The following TRIM2 variants were observed in gnomAD, a reference collection of about 807,000 sequenced individuals.
TRIM2 encodes the protein tripartite motif containing 2.
In TRIM2, 20 loss-of-function variants were observed where a neutral mutation model predicts 75.2. The observed-to-expected ratio is 0.27, with a 90% CI of 0.19 to 0.39. The LOEUF is 0.39. Ranked by LOEUF, TRIM2 falls within the 10% of genes least tolerant of loss-of-function variation. The pLI is 1.00. For missense variants in TRIM2, 660 were observed against 990.8 expected (o/e 0.67, Z 4.48); for synonymous variants, 373 against 388.3 (o/e 0.96, Z 0.46).
chr4:153,221,830 A>G (rs1475415983), intron 1 of TRIM2, among the ~76,000 whole-genome samples: 16 of 102,582 alleles, frequency 1.6e-4, no homozygotes, highest in South Asian at 4.6e-4. Context: ...GAGGAAATGA[A>G]GGAAGGAAGG....
intron 9 of TRIM2, 48 bp downstream of exon 9, chr4:153,322,864 C>A: frequency 1.2e-6 from 2 of 1,606,112 alleles, no homozygotes; most frequent in Non-Finnish European, 1.7e-6. Flanking sequence ...GCTTCTTCTG[C>A]TCACATTTGC....
At chr4:153,234,520 C>T (rs1175736536) in intron 1 of TRIM2, among the ~76,000 whole-genome samples, 1 of 152,216 alleles carries the variant, frequency 6.6e-6, no homozygotes, top group African/African-American at 2.4e-5. Context: ...AAATACATTT[C>T]TGCTGCGGAT....
At chr4:153,317,568 G>A in intron 8 of TRIM2, among the ~76,000 whole-genome samples, 1 of 151,534 alleles carries the variant, frequency 6.6e-6, no homozygotes, top group Non-Finnish European at 1.5e-5. Flanking sequence ...AGAATGGTGT[G>A]AACCCCGGGA....
chr4:153,257,960 T>C (rs139181926), intron 1 of TRIM2, among the ~76,000 whole-genome samples: 23 of 152,302 alleles, frequency 1.5e-4, no homozygotes, highest in Non-Finnish European at 2.4e-4. Flanking sequence ...CATGCAAGAT[T>C]TTCTTATCAA....
At chr4:153,247,695 A>C (rs922389942) in intron 1 of TRIM2, among the ~76,000 whole-genome samples, 20 of 151,320 alleles carry the variant, frequency 1.3e-4, no homozygotes, top group African/African-American at 4.9e-4. Context: ...AAAAAAAAAA[A>C]AAAAAACTGT....
At chr4:153,314,677 A>G (rs559833430) in intron 6 of TRIM2, among the ~76,000 whole-genome samples, 74 of 152,108 alleles carry the variant, frequency 4.9e-4, no homozygotes, top group African/African-American at 1.6e-3. Context: ...CTAATCTACA[A>G]AGCACCCTGC....
rs999451573 is a variant in TRIM2 at position 153,234,955 on chromosome 4, G to A, written c.30+30395G>A. Reference sequence around the variant, plus strand: ...CTTCCCCGTGCCCTGTCCCACCCTCGAGCACACAGACCCCTCTGCTGCCCC... The same window carrying A: ...CTTCCCCGTGCCCTGTCCCACCCTCAAGCACACAGACCCCTCTGCTGCCCC... On this transcript the variant is annotated intron_variant, in intron 1 of 11. Coordinates refer to ENST00000338700, the MANE Select transcript of TRIM2 (RefSeq NM_015271.5). Among the ~76,000 whole-genome samples the A allele has an allele frequency of 5.3e-5, 8 of 152,050 alleles. No homozygotes were observed. The East Asian group carries it at 9.6e-4, about 18-fold the overall frequency.
At position 153,337,352 on chromosome 4, in the gene TRIM2, T is replaced by G; in HGVS notation, c.*2386T>G. The G allele has an allele frequency of 3.0e-6, 3 of 985,858 alleles. No homozygotes were observed. The highest frequency in any genetic ancestry group is 3.6e-6 in the Non-Finnish European group (3 of 829,930). The allele number at this position is 985,858 out of a possible 1,614,324, so 61.1% of individuals were successfully genotyped here. ...TAACCAGCCATCATATCATATCCTATCAGGCTAGATATCTCAATAGTAGAC... is the reference window on the plus strand; with the variant it reads ...TAACCAGCCATCATATCATATCCTAGCAGGCTAGATATCTCAATAGTAGAC... On this transcript the variant is annotated 3_prime_UTR_variant, in exon 12 of 12. Transcript: ENST00000338700.
At chr4:153,274,526 TC>T (rs1448678105) in intron 2 of TRIM2, among the ~76,000 whole-genome samples, 2 of 152,208 alleles carry the variant, frequency 1.3e-5, no homozygotes, top group Admixed American at 1.3e-4. Flanking sequence ...TGTCAACAGG[TC>T]AGTTAATGAG....
At chr4:153,327,879 A>G (rs531525488) in intron 10 of TRIM2, among the ~76,000 whole-genome samples, 1 of 152,372 alleles carries the variant, frequency 6.6e-6, no homozygotes, top group East Asian at 1.9e-4. Flanking sequence ...CTACTTTTAT[A>G]TTCATCAAAG....
chr4:153,324,013 A>T (rs1769575207), intron 9 of TRIM2, 65 bp from the exon 10 acceptor site: 2 of 1,258,764 alleles, frequency 1.6e-6, no homozygotes, highest in Non-Finnish European at 2.3e-6. Flanking sequence ...TGTTTGTTAC[A>T]GTAACTGCTA....
At chr4:153,175,167 C>T (rs1420819853) in intron 1 of TRIM2, among the ~76,000 whole-genome samples, 1 of 152,130 alleles carries the variant, frequency 6.6e-6, no homozygotes, top group African/African-American at 2.4e-5. Context: ...CAGGCGTCTG[C>T]CACAATGCCC....
chr4:153,208,586 C>G (rs1422469755), intron 1 of TRIM2, among the ~76,000 whole-genome samples: 2 of 152,160 alleles, frequency 1.3e-5, no homozygotes. Flanking sequence ...GAGCTGAACT[C>G]GAGTCTCAGG....
At chr4:153,211,348 A>G (rs1471312730) in intron 1 of TRIM2, among the ~76,000 whole-genome samples, 4 of 152,184 alleles carry the variant, frequency 2.6e-5, no homozygotes, top group African/African-American at 9.6e-5. Flanking sequence ...CAGGCTTCCA[A>G]GGCTGGTTGT....
At chr4:153,322,583 T>C (rs571868144) in intron 8 of TRIM2, 65 bp from the exon 9 acceptor site, 2 of 1,537,152 alleles carry the variant, frequency 1.3e-6, no homozygotes, top group Admixed American at 3.7e-5. Context: ...TTTATCTTCA[T>C]GTTCTGTAGT....
chr4:153,314,717 A>G (rs1311677531), intron 6 of TRIM2, among the ~76,000 whole-genome samples: 2 of 152,166 alleles, frequency 1.3e-5, no homozygotes, highest in African/African-American at 2.4e-5. Context: ...TTCAGGAAGA[A>G]TATCCAGCCT....
At chr4:153,318,368 C>T (rs1579676216) in intron 8 of TRIM2, among the ~76,000 whole-genome samples, 1 of 152,180 alleles carries the variant, frequency 6.6e-6, no homozygotes. Flanking sequence ...GAGGCAGCAT[C>T]TTGTCAATTT....
rs960150399 is a variant in TRIM2, at chr4:153,314,293, G to A, written c.1511-1192G>A. On this transcript the variant is annotated intron_variant, in intron 6 of 11. Coordinates refer to ENST00000338700, the MANE Select transcript of TRIM2 (RefSeq NM_015271.5). ...AAATTAGCCGGGCGTAGTGGCGGGC[G>A]CCTGTAGTCCCAGCTACTTGGGAGG... 1.2e-4 allele frequency among the ~76,000 whole-genome samples: 17 copies of A among 146,066 alleles called. 1 individual carries two copies. The East Asian group carries it at 1.6e-3, about 13-fold the overall frequency.
intron 1 of TRIM2, among the ~76,000 whole-genome samples, chr4:153,194,030 G>C (rs1012581839): frequency 3.3e-4 from 50 of 152,134 alleles, no homozygotes; most frequent in African/African-American, 1.2e-3. Context: ...TCCACTGATG[G>C]CCCCCAGGGA....
Sources: allele counts gnomAD v4.1 joint callset (sites outside exome capture counted in the v4.1 genomes callset), GRCh38; gene constraint gnomAD v4.1.1; transcripts MANE v1.5; gene names NCBI Gene and HGNC (gene_info 2026-07-23, HGNC 2026-07-21).